The following CFDP1 variants were observed in gnomAD, a reference collection of about 807,000 sequenced individuals.
The protein encoded by CFDP1 is chromatin remodeling protein CFDP1, also known as heterochromatin-stabilizing protein CFDP1.
In CFDP1, 31 loss-of-function variants were observed where a neutral mutation model predicts 40.1. The observed-to-expected ratio is 0.77, with a 90% CI of 0.58 to 1.04. CFDP1 has a LOEUF of 1.04. Ranked by LOEUF, CFDP1 falls within the 50% of genes least tolerant of loss-of-function variation. CFDP1 has a pLI of 0.00. For synonymous variants in CFDP1, 167 were observed against 120.0 expected (o/e 1.39, Z -2.56); for missense variants, 423 against 343.4 (o/e 1.23, Z -1.83).
chr16:75,371,982 T>G (rs2078755404), intron 5 of CFDP1, among the ~76,000 whole-genome samples: 1 of 152,208 alleles, frequency 6.6e-6, no homozygotes. Flanking sequence ...GGAACTGTAG[T>G]GACACCTTAT....
intron 4 of CFDP1, among the ~76,000 whole-genome samples, chr16:75,403,700 A>G (rs1010241618): frequency 2.0e-5 from 3 of 152,210 alleles, no homozygotes; most frequent in African/African-American, 4.8e-5. Context: ...CATACTTTCT[A>G]TATTATTTTT....
intron 5 of CFDP1, among the ~76,000 whole-genome samples, chr16:75,333,584 T>C (rs111807494): frequency 7.2e-5 from 11 of 152,358 alleles, no homozygotes; most frequent in East Asian, 1.9e-4. Context: ...TTCTCTATCT[T>C]AGCAAATGTA....
intron 1 of CFDP1, among the ~76,000 whole-genome samples, chr16:75,432,069 G>T (rs968976236): frequency 5.9e-5 from 9 of 151,352 alleles, no homozygotes; most frequent in Non-Finnish European, 1.3e-4. Context: ...GTGCCACCAT[G>T]CCCAGCTAAT....
chr16:75,347,377 GAA>G (rs1555556971), intron 5 of CFDP1, among the ~76,000 whole-genome samples: 1 of 124,144 alleles, frequency 8.1e-6, no homozygotes, highest in African/African-American at 3.1e-5. Context: ...AAAAGAAAAA[GAA>G]AAAGAAAAAA....
At chr16:75,432,687 C>A (rs2079436888) in intron 1 of CFDP1, among the ~76,000 whole-genome samples, 1 of 152,164 alleles carries the variant, frequency 6.6e-6, no homozygotes, top group Admixed American at 6.5e-5. Context: ...TTCAACGAGA[C>A]GGTTTGTCTG....
chr16:75,433,039 G>A (rs2079443137), intron 1 of CFDP1, among the ~76,000 whole-genome samples: 1 of 152,226 alleles, frequency 6.6e-6, no homozygotes, highest in Admixed American at 6.5e-5. Flanking sequence ...GTGTCCATGT[G>A]CCGGTTCCCG....
intron 5 of CFDP1, among the ~76,000 whole-genome samples, chr16:75,349,676 A>ATAT (rs1199163361): frequency 3.4e-4 from 2 of 5,870 alleles, no homozygotes; most frequent in African/African-American, 6.1e-4. Context: ...AAAAAAAAAA[A>ATAT]AAAAAAAAAA....
At chr16:75,420,962 T>C (rs188756158) in intron 1 of CFDP1, among the ~76,000 whole-genome samples, 50 of 152,350 alleles carry the variant, frequency 3.3e-4, no homozygotes, top group Non-Finnish European at 6.5e-4. Flanking sequence ...GCAAATGTTG[T>C]AGACAGTTCA....
chr16:75,368,902 ATACT>A (rs1007000842), intron 5 of CFDP1, among the ~76,000 whole-genome samples: 11 of 152,074 alleles, frequency 7.2e-5, no homozygotes, highest in African/African-American at 2.7e-4. Flanking sequence ...AAGGAGTCTG[ATACT>A]TACACATTTT....
intron 5 of CFDP1, among the ~76,000 whole-genome samples, chr16:75,378,199 A>C (rs915413508): frequency 6.6e-5 from 10 of 152,166 alleles, no homozygotes; most frequent in Non-Finnish European, 1.0e-4. Flanking sequence ...CAACACTTCT[A>C]CAACTAGAGG....
chr16:75,329,631 C>G (rs1434027783), intron 5 of CFDP1, among the ~76,000 whole-genome samples: 6 of 152,188 alleles, frequency 3.9e-5, no homozygotes, highest in Non-Finnish European at 8.8e-5. Flanking sequence ...TAATTTTGAA[C>G]ATGTGCTGTT....
At chr16:75,359,995 C>G (rs1393198913) in intron 5 of CFDP1, among the ~76,000 whole-genome samples, 3 of 152,176 alleles carry the variant, frequency 2.0e-5, no homozygotes, top group Non-Finnish European at 4.4e-5. Flanking sequence ...GCCTCAAACT[C>G]CTGGGCTCAG....
intron 5 of CFDP1, among the ~76,000 whole-genome samples, chr16:75,312,211 G>A (rs1043772343): frequency 3.9e-5 from 6 of 152,170 alleles, no homozygotes; most frequent in East Asian, 1.9e-4. Context: ...GGAAGCCACT[G>A]ATGGCATATT....
intron 5 of CFDP1, among the ~76,000 whole-genome samples, chr16:75,388,796 G>A (rs1011094134): frequency 1.3e-5 from 2 of 152,174 alleles, no homozygotes; most frequent in Non-Finnish European, 2.9e-5. Flanking sequence ...TGTCTTCTCA[G>A]TCCTTAGTCT....
At chr16:75,342,961 G>A (rs1398643311) in intron 5 of CFDP1, among the ~76,000 whole-genome samples, 1 of 152,156 alleles carries the variant, frequency 6.6e-6, no homozygotes, top group Non-Finnish European at 1.5e-5. Flanking sequence ...TCTGCCCTAG[G>A]TGAGATGGCA....
At chr16:75,387,517 C>T (rs1359456959) in intron 5 of CFDP1, among the ~76,000 whole-genome samples, 2 of 152,188 alleles carry the variant, frequency 1.3e-5, no homozygotes, top group Non-Finnish European at 2.9e-5. Flanking sequence ...ACCAGAGCTG[C>T]CAAAATCAAT....
chr16:75,374,032 C>T (rs2078773173), intron 5 of CFDP1, among the ~76,000 whole-genome samples: 1 of 152,054 alleles, frequency 6.6e-6, no homozygotes. Context: ...CCAGGTGGAT[C>T]ACCTGAGGTA....
chr16:75,385,753 G>T (rs1486787965), intron 5 of CFDP1, among the ~76,000 whole-genome samples: 1 of 147,310 alleles, frequency 6.8e-6, no homozygotes, highest in Non-Finnish European at 1.5e-5. Flanking sequence ...AGAAGTTAAA[G>T]ACCTATGAAG....
intron 1 of CFDP1, among the ~76,000 whole-genome samples, chr16:75,417,716 A>T (rs1409820221): frequency 6.6e-6 from 1 of 152,164 alleles, no homozygotes; most frequent in Non-Finnish European, 1.5e-5. Flanking sequence ...ACATAACTGT[A>T]TACCAAAATG....
Sources: allele counts gnomAD v4.1 joint callset (sites outside exome capture counted in the v4.1 genomes callset), GRCh38; gene constraint gnomAD v4.1.1; transcripts MANE v1.5; gene names NCBI Gene and HGNC (gene_info 2026-07-23, HGNC 2026-07-21).